FAR1: variants seen among roughly 807,000 people sequenced by gnomAD.
The protein encoded by FAR1 is male sterility domain-containing protein 2.
In FAR1, 22 loss-of-function variants were observed where a neutral mutation model predicts 61.1. The observed-to-expected ratio is 0.36, with a 90% CI of 0.26 to 0.51. The LOEUF is 0.51. Ranked by LOEUF, FAR1 falls within the 20% of genes least tolerant of loss-of-function variation. The pLI, the probability that FAR1 is intolerant of heterozygous loss-of-function variation, is 0.95. For missense variants in FAR1, 359 were observed against 626.9 expected (o/e 0.57, Z 4.56); for synonymous variants, 206 against 209.7 (o/e 0.98, Z 0.15).
intron 2 of FAR1, among the ~76,000 whole-genome samples, chr11:13,698,509 A>T (rs1848333075): frequency 6.6e-6 from 1 of 152,176 alleles, no homozygotes; most frequent in Non-Finnish European, 1.5e-5. Flanking sequence ...AAAATTATGA[A>T]CATGCTTGTA....
At chr11:13,710,402 C>CA (rs1020176950) in intron 4 of FAR1, among the ~76,000 whole-genome samples, 2 of 151,380 alleles carry the variant, frequency 1.3e-5, no homozygotes, top group African/African-American at 2.4e-5. Flanking sequence ...TAAGTTGTAT[C>CA]AAAAAAAAGA....
At chr11:13,726,172 G>A (rs1028463447) in intron 10 of FAR1, among the ~76,000 whole-genome samples, 18 of 151,774 alleles carry the variant, frequency 1.2e-4, no homozygotes, top group Admixed American at 3.3e-4. Context: ...CATAATGCAT[G>A]TTTTAATTCT....
chr11:13,723,787 A>T (rs1301318724), intron 10 of FAR1, among the ~76,000 whole-genome samples: 1 of 152,182 alleles, frequency 6.6e-6, no homozygotes, highest in Non-Finnish European at 1.5e-5. Context: ...AGATTCTGTG[A>T]CAGTCTGCCA....
Position 13,708,093 on chromosome 11 carries a change from A to T in FAR1, c.545+14A>T, listed in dbSNP as rs187817189. The T allele has an allele frequency of 0.17, 262,966 of 1,542,868 alleles. 24,009 individuals are homozygous for T. The highest frequency in any genetic ancestry group is 0.24 in the South Asian group (19,084 of 79,748). Reference sequence around the variant, plus strand: ...TGATTCTTTAGAGTATGTTTGTTTGAAATTTATATACATTTACTTTGATCC... The same window carrying T: ...TGATTCTTTAGAGTATGTTTGTTTGTAATTTATATACATTTACTTTGATCC... On this transcript the variant is annotated intron_variant, in intron 4 of 11. Coordinates refer to ENST00000354817, the MANE Select transcript of FAR1 (RefSeq NM_032228.6).
In FAR1 at chr11:13,700,396, A is replaced by T; in HGVS notation, c.269A>T (p.Lys90Ile). 6.2e-7 allele frequency: 1 copy of T among 1,603,796 alleles called. No individual in the cohort carries two copies. Among genetic ancestry groups the T allele is most frequent in the South Asian group, 1.1e-5 (1 of 88,346 alleles). Residue 90 changes from lysine (K) to isoleucine (I), a missense_variant, in exon 3 of 12, where the codon AAA (lysine) becomes ATA (isoleucine). Coordinates refer to ENST00000354817, the MANE Select transcript of FAR1 (RefSeq NM_032228.6). The stretch of plus-strand genomic sequence containing the variant: ...ATCAACAGCGAACTCACCCAACCTA[A>T]ACTGGCTCTCAGTGAAGAAGATAAA... ...IAINSELTQP[K>I]LALSEEDKEV...
intron 2 of FAR1, 75 bp from the exon 3 acceptor site, chr11:13,700,242 G>C: frequency 1.8e-6 from 2 of 1,116,658 alleles, no homozygotes; most frequent in Non-Finnish European, 2.6e-6. Flanking sequence ...TCCTTGGTGG[G>C]AAAAAAATGG....
intron 1 of FAR1, among the ~76,000 whole-genome samples, chr11:13,675,314 G>A (rs932313342): frequency 6.6e-6 from 1 of 152,114 alleles, no homozygotes; most frequent in Non-Finnish European, 1.5e-5. Flanking sequence ...TCTTAAGTGG[G>A]AACTGACATT....
In FAR1 at chr11:13,683,601, G is replaced by T. The variant is rs558564454; in HGVS notation, c.-7-11158G>T. Among the ~76,000 whole-genome samples, 6 of 151,908 alleles carry T rather than the reference G, an allele frequency of 3.9e-5. No homozygotes were observed. The East Asian group carries it at 7.8e-4, about 20-fold the overall frequency. On this transcript the variant is annotated intron_variant, in intron 1 of 11. Transcript: ENST00000354817. Reference sequence around the variant, plus strand: ...TAGCGATGTTGCCCAGGCTGGTCTCGAACTCCTGGCCTCAAGTGATCCTCC... The same window carrying T: ...TAGCGATGTTGCCCAGGCTGGTCTCTAACTCCTGGCCTCAAGTGATCCTCC...
intron 3 of FAR1, among the ~76,000 whole-genome samples, chr11:13,707,234 A>G (rs1488076115): frequency 1.3e-5 from 2 of 152,024 alleles, no homozygotes; most frequent in Non-Finnish European, 2.9e-5. Context: ...GCTTTTGTGG[A>G]ATTATTTACT....
Position 13,731,528 on chromosome 11 carries a change from A to G in FAR1, c.*2754A>G, listed in dbSNP as rs1387509882. 1.3e-5 allele frequency: 2 copies of G among 152,516 alleles called. No individual in the cohort carries two copies. Among genetic ancestry groups the G allele is most frequent in the Non-Finnish European group, 2.9e-5 (2 of 68,010 alleles). 9.4% of individuals were successfully genotyped at this position (152,516 alleles called of 1,614,324 possible). On this transcript the variant is annotated 3_prime_UTR_variant, in exon 12 of 12. Transcript: ENST00000354817. Reference sequence around the variant, plus strand: ...ATTTATTGTATTTTTATGTTCTGAAAATTACCCATGGAACAATATGCTTAG... The same window carrying G: ...ATTTATTGTATTTTTATGTTCTGAAGATTACCCATGGAACAATATGCTTAG...
At chr11:13,722,524 A>T (rs979470754) in intron 10 of FAR1, among the ~76,000 whole-genome samples, 20 of 151,454 alleles carry the variant, frequency 1.3e-4, no homozygotes, top group Non-Finnish European at 2.6e-4. Context: ...CCCAGGCTGG[A>T]GTGCAATGGC....
chr11:13,710,693 G>A lies in FAR1; in HGVS notation c.546G>A (p.Glu182=). The A allele has an allele frequency of 6.4e-7, 1 of 1,571,286 alleles. No individual in the cohort carries two copies. The highest frequency in any genetic ancestry group is 8.6e-7 in the Non-Finnish European group (1 of 1,166,228). The change falls in exon 5 of 12, where the codon GAG becomes GAA. Residue 182 remains glutamate, a splice_region_variant and synonymous_variant. Coordinates refer to ENST00000354817, the MANE Select transcript of FAR1 (RefSeq NM_032228.6). ...TATTTGTATGCAATTTCTTTACCAG[G>A]TGGATGGATGATGGCCTAGTAAATG... ...VDPKKLIDSL[E]WMDDGLVNDI...
At chr11:13,696,211 C>T (rs1422789792) in intron 2 of FAR1, among the ~76,000 whole-genome samples, 2 of 152,100 alleles carry the variant, frequency 1.3e-5, no homozygotes, top group East Asian at 1.9e-4. Flanking sequence ...ATACTCCTCT[C>T]CCCCCAGTGA....
chr11:13,700,587 G>A (rs1848360552), intron 3 of FAR1, 95 bp downstream of exon 3: 1 of 771,582 alleles, frequency 1.3e-6, no homozygotes, highest in Non-Finnish European at 1.9e-6. Context: ...TTTTGAATGT[G>A]ATTTGATACT....
rs115246785 is a variant in FAR1, at chr11:13,669,741, A to G, written c.-8+935A>G. 232 of 152,320 alleles carry G rather than the reference A, an allele frequency of 1.5e-3. 1 individual carries two copies. The highest frequency in any genetic ancestry group is 4.6e-3 in the African/African-American group (192 of 41,536). 9.4% of individuals were successfully genotyped at this position (152,320 alleles called of 1,614,324 possible). On this transcript the variant is annotated intron_variant, in intron 1 of 11. Transcript: ENST00000354817. The stretch of plus-strand genomic sequence containing the variant: ...CACTACTGGGGCTGATCCTCCTCCT[A>G]CACTCCACCCCTCCTGCCATCCCTG...
At chr11:13,727,896 T>C (rs1343928098) in intron 11 of FAR1, among the ~76,000 whole-genome samples, 1 of 151,952 alleles carries the variant, frequency 6.6e-6, no homozygotes, top group Non-Finnish European at 1.5e-5. Flanking sequence ...CTCATAACTC[T>C]GTGCGACTTT....
At chr11:13,706,780 T>G (rs887421795) in intron 3 of FAR1, among the ~76,000 whole-genome samples, 1 of 152,186 alleles carries the variant, frequency 6.6e-6, no homozygotes, top group Non-Finnish European at 1.5e-5. Context: ...CTCATTACCT[T>G]AAGGAATATT....
chr11:13,675,390 G>A (rs1848056868), intron 1 of FAR1, among the ~76,000 whole-genome samples: 2 of 152,204 alleles, frequency 1.3e-5, no homozygotes, highest in Admixed American at 1.3e-4. Flanking sequence ...GGGATAAGGT[G>A]AGGGTAATCA....
chr11:13,677,988 T>C (rs977366918), intron 1 of FAR1, among the ~76,000 whole-genome samples: 1 of 152,210 alleles, frequency 6.6e-6, no homozygotes, highest in African/African-American at 2.4e-5. Flanking sequence ...GGTAATTTAA[T>C]TAAAAGGCAA....
Sources: allele counts gnomAD v4.1 joint callset (sites outside exome capture counted in the v4.1 genomes callset), GRCh38; gene constraint gnomAD v4.1.1; transcripts MANE v1.5; gene names NCBI Gene and HGNC (gene_info 2026-07-23, HGNC 2026-07-21).